Variants in SLCO1A2 observed in about 807,000 individuals in gnomAD.
SLCO1A2 encodes solute carrier organic anion transporter family member 1A2.
A neutral mutation model predicts 69.0 loss-of-function variants in SLCO1A2; 67 were observed. That is an observed-to-expected ratio of 0.97 (90% CI 0.80 to 1.19). The LOEUF is 1.19. Among genes scored for constraint, SLCO1A2 ranks in the 50% most tolerant of loss-of-function variants. SLCO1A2 has a pLI of 0.00. For synonymous variants in SLCO1A2, 260 were observed against 265.9 expected (o/e 0.98, Z 0.22); for missense variants, 787 against 793.7 (o/e 0.99, Z 0.10).
chr12:21,288,287 C>A (rs1041927968), intron 12 of SLCO1A2, among the ~76,000 whole-genome samples: 18 of 151,900 alleles, frequency 1.2e-4, no homozygotes, highest in African/African-American at 4.4e-4. Context: ...ACTAAAAATA[C>A]AAAAATTAGT....
chr12:21,374,302 TAGTG>T (rs1180883861), intron 2 of SLCO1A2: 1 of 152,256 alleles, frequency 6.6e-6, no homozygotes, highest in East Asian at 1.9e-4. Flanking sequence ...ATAAATAACA[TAGTG>T]AGGATTTGTT....
chr12:21,396,487 G>A (rs1170152546), upstream of SLCO1A2, among the ~76,000 whole-genome samples: 1 of 148,912 alleles, frequency 6.7e-6, no homozygotes, highest in African/African-American at 2.5e-5. Flanking sequence ...GTCTAGCAAG[G>A]CAGGCCAACG....
intron 2 of SLCO1A2, among the ~76,000 whole-genome samples, chr12:21,349,020 G>A (rs1937719869): frequency 6.6e-6 from 1 of 152,152 alleles, no homozygotes; most frequent in African/African-American, 2.4e-5. Context: ...GGGGGTAGGA[G>A]GCATATGGGA....
intron 2 of SLCO1A2, among the ~76,000 whole-genome samples, chr12:21,353,472 G>GA (rs535163407): frequency 0.02 from 2,708 of 132,866 alleles, 70 homozygotes; most frequent in African/African-American, 0.067. Context: ...ATGGTGCTCA[G>GA]AAAAAAAAAA....
At chr12:21,339,937 T>C (rs1038271009) in intron 2 of SLCO1A2, among the ~76,000 whole-genome samples, 5 of 151,944 alleles carry the variant, frequency 3.3e-5, no homozygotes, top group African/African-American at 9.7e-5. Context: ...ACCATAATCA[T>C]TGCAATAGAG....
At chr12:21,296,916 T>G (rs956416073) in intron 9 of SLCO1A2, among the ~76,000 whole-genome samples, 59 of 152,282 alleles carry the variant, frequency 3.9e-4, no homozygotes, top group African/African-American at 1.3e-3. Flanking sequence ...CAAGTTAGGC[T>G]AAAACCACTG....
chr12:21,278,625 A>G (rs1944293956), intron 12 of SLCO1A2, among the ~76,000 whole-genome samples: 1 of 152,222 alleles, frequency 6.6e-6, no homozygotes, highest in Non-Finnish European at 1.5e-5. Context: ...ATCTTATCCA[A>G]GACCTCCAAA....
intron 8 of SLCO1A2, 129 bp downstream of exon 8, chr12:21,300,219 T>C (rs1948530171): frequency 1.7e-6 from 1 of 589,150 alleles, no homozygotes; most frequent in African/African-American, 1.9e-5. Context: ...TTAGGTATTC[T>C]TGACTGGTGA....
chr12:21,379,971 C>A (rs1299596781), intron 1 of SLCO1A2: 1 of 152,032 alleles, frequency 6.6e-6, no homozygotes, highest in African/African-American at 2.4e-5. Context: ...GGTGAATATA[C>A]AAATTTATAT....
rs141190265 is a variant in SLCO1A2 at position 21,350,601 on chromosome 12, C to T, written c.-62-15892G>A. ...CCTGTAATCCCAGCACTTTGGGAGGCCGAGGCGGGTGGATCATGAGGTCAG... is the reference window on the plus strand; with the variant it reads ...CCTGTAATCCCAGCACTTTGGGAGGTCGAGGCGGGTGGATCATGAGGTCAG... On this transcript the variant is annotated intron_variant, in intron 2 of 15. Transcript: ENST00000307378. Among the ~76,000 whole-genome samples the T allele has an allele frequency of 4.4e-3, 672 of 152,030 alleles. 6 individuals are homozygous for T. The highest frequency in any genetic ancestry group is 6.8e-3 in the Middle Eastern group (2 of 294).
chr12:21,411,072 C>A (rs1941899407), intron 1 of SLCO1A2, among the ~76,000 whole-genome samples: 3 of 151,938 alleles, frequency 2.0e-5, no homozygotes, highest in Admixed American at 2.0e-4. Context: ...AACAAAAATT[C>A]TTGCTTTTTC....
Position 21,274,452 on chromosome 12 carries a change from C to T in SLCO1A2, c.1793+17G>A. ...TCTATGCTTATAAAACAATTTTAAA[C>T]AAATTATTATCTTTACCTGAAGGTG... On this transcript the variant is annotated intron_variant, in intron 14 of 14. Coordinates refer to ENST00000683939, the MANE Select transcript of SLCO1A2 (RefSeq NM_001386879.1). 6.5e-7 allele frequency: 1 copy of T among 1,530,072 alleles called. No homozygotes were observed. The highest frequency in any genetic ancestry group is 9.1e-7 in the Non-Finnish European group (1 of 1,103,946). 94.8% of individuals were successfully genotyped at this position (1,530,072 alleles called of 1,614,324 possible).
chr12:21,337,066 G>T (rs1952914328), upstream of SLCO1A2, among the ~76,000 whole-genome samples: 1 of 151,872 alleles, frequency 6.6e-6, no homozygotes, highest in African/African-American at 2.4e-5. Context: ...CTGTTTGATT[G>T]GGATTTTAAA....
At chr12:21,383,052 G>A (rs563509055) in intron 1 of SLCO1A2, among the ~76,000 whole-genome samples, 6 of 152,220 alleles carry the variant, frequency 3.9e-5, no homozygotes, top group Admixed American at 3.9e-4. Context: ...GGCAAAAGAA[G>A]AATGGGACTA....
chr12:21,320,498 G>A (rs1250547120), intron 2 of SLCO1A2, among the ~76,000 whole-genome samples: 2 of 151,356 alleles, frequency 1.3e-5, no homozygotes, highest in African/African-American at 4.9e-5. Flanking sequence ...GTTTTGTTTT[G>A]TGTTGTTTTG....
At chr12:21,276,958 A>C (rs186249218) in intron 12 of SLCO1A2, among the ~76,000 whole-genome samples, 62 of 152,358 alleles carry the variant, frequency 4.1e-4, no homozygotes, top group Middle Eastern at 3.4e-3. Flanking sequence ...CTTGAAAGGC[A>C]GTCTAGGTTG....
chr12:21,365,306 C>G (rs1195893699), intron 2 of SLCO1A2, among the ~76,000 whole-genome samples: 1 of 152,150 alleles, frequency 6.6e-6, no homozygotes, highest in Non-Finnish European at 1.5e-5. Context: ...AAAGGATTCC[C>G]TATTTAATAA....
At chr12:21,307,057 T>A in intron 4 of SLCO1A2, 69 bp from the exon 5 acceptor site, 3 of 1,058,692 alleles carry the variant, frequency 2.8e-6, no homozygotes, top group Non-Finnish European at 4.3e-6. Context: ...AATGTGCAGA[T>A]TGTTACCTTC....
intron 12 of SLCO1A2, 111 bp downstream of exon 12, chr12:21,292,053 G>A (rs1042319280): frequency 3.0e-6 from 2 of 660,288 alleles, no homozygotes. Context: ...TTAATAAATG[G>A]TACGTTAGAG....
Sources: gnomAD v4.1 joint callset for allele counts (sites outside exome capture counted in the v4.1 genomes callset) on GRCh38, gnomAD v4.1.1 for gene constraint, MANE v1.5 for transcripts, NCBI Gene and HGNC (gene_info 2026-07-23, HGNC 2026-07-21) for gene names.